The following LRRC72 variants were observed in gnomAD, a reference collection of about 807,000 sequenced individuals.
LRRC72 encodes the protein leucine rich repeat containing 72, also known as leucine-rich repeat-containing protein 72.
A neutral mutation model predicts 35.8 loss-of-function variants in LRRC72; 41 were observed. The observed-to-expected ratio is 1.15, with a 90% CI of 0.89 to 1.49. The LOEUF is 1.49. Among genes scored for constraint, LRRC72 ranks in the 40% most tolerant of loss-of-function variants. The probability of loss-of-function intolerance (pLI) is 0.00; values close to 1 mark genes in which losing one functional copy is unlikely to be tolerated. For synonymous variants in LRRC72, 118 were observed against 119.2 expected, an observed-to-expected ratio of 0.99 and a Z score of 0.07; for missense variants, 389 against 330.7, an observed-to-expected ratio of 1.18 and a Z score of -1.37.
intron 3 of LRRC72, among the ~76,000 whole-genome samples, chr7:16,543,945 A>G (rs749037326): frequency 7.2e-5 from 11 of 152,222 alleles, no homozygotes; most frequent in Non-Finnish European, 1.3e-4. Flanking sequence ...TTATTTGCCA[A>G]TTTGAGTTGG....
chr7:16,534,429 G>C (rs928091810), intron 2 of LRRC72, among the ~76,000 whole-genome samples: 4 of 151,792 alleles, frequency 2.6e-5, no homozygotes, highest in African/African-American at 9.7e-5. Flanking sequence ...ATGTGGGCTC[G>C]TAAAAGTTTT....
chr7:16,555,190 G>A (rs1280930161), intron 3 of LRRC72, among the ~76,000 whole-genome samples: 1 of 152,210 alleles, frequency 6.6e-6, no homozygotes, highest in African/African-American at 2.4e-5. Flanking sequence ...TCCAGGAGGA[G>A]TGCTGGCATA....
chr7:16,537,766 C>G, intron 3 of LRRC72, 70 bp downstream of exon 3: 1 of 901,518 alleles, frequency 1.1e-6, no homozygotes, highest in Non-Finnish European at 1.6e-6. Context: ...CCTAATAGAG[C>G]TAATCTTTAA....
At chr7:16,541,559 C>G (rs1478281285) in intron 3 of LRRC72, among the ~76,000 whole-genome samples, 1 of 152,190 alleles carries the variant, frequency 6.6e-6, no homozygotes, top group Non-Finnish European at 1.5e-5. Context: ...AGGCAGCTAA[C>G]AGCTGGAATG....
intron 5 of LRRC72, among the ~76,000 whole-genome samples, chr7:16,560,352 C>T (rs921602370): frequency 2.0e-5 from 3 of 152,128 alleles, no homozygotes; most frequent in African/African-American, 4.8e-5. Flanking sequence ...TCAGTTATAT[C>T]TACTGTACTG....
At chr7:16,552,362 G>T (rs1348915339) in intron 3 of LRRC72, among the ~76,000 whole-genome samples, 1 of 150,954 alleles carries the variant, frequency 6.6e-6, no homozygotes, top group Non-Finnish European at 1.5e-5. Flanking sequence ...TTTACCTCTG[G>T]AACACGCAGA....
Position 16,529,637 on chromosome 7 carries a change from C to A in LRRC72, c.90+2595C>A, listed in dbSNP as rs1006280609. ...ATTGGAACATTTTCATGTTTCTGGGCACTTTGATATTAATATTTTGTACTG... is the reference window on the plus strand; with the variant it reads ...ATTGGAACATTTTCATGTTTCTGGGAACTTTGATATTAATATTTTGTACTG... On this transcript the variant is annotated intron_variant, in intron 1 of 8. Coordinates refer to ENST00000401542, the MANE Select transcript of LRRC72 (RefSeq NM_001195280.2). 9.2e-5 allele frequency among the ~76,000 whole-genome samples: 14 copies of A among 151,700 alleles called. No individual in the cohort carries two copies. In the South Asian group the frequency reaches 2.9e-3, roughly 31 times the overall value.
chr7:16,570,005 G>A (rs967439885), intron 7 of LRRC72, among the ~76,000 whole-genome samples: 1 of 151,754 alleles, frequency 6.6e-6, no homozygotes, highest in Non-Finnish European at 1.5e-5. Context: ...ACTCCAGCCT[G>A]GGCAACAGAG....
chr7:16,537,544 C>T (rs747580516), intron 2 of LRRC72, 83 bp from the exon 3 acceptor site: 66 of 706,182 alleles, frequency 9.3e-5, no homozygotes, highest in Non-Finnish European at 1.2e-4. Flanking sequence ...CTAGTTACTA[C>T]GAAGCCATAC....
rs1782859121 is a variant in LRRC72 at position 16,567,129 on chromosome 7, C to T, written c.518-262C>T. On this transcript the variant is annotated intron_variant, in intron 6 of 8. Transcript: ENST00000401542. ...GGATGTTTCATGCTAAAATTTTAATCATCCTTGGTGATGTGTTAAAGGGTG... is the reference window on the plus strand; with the variant it reads ...GGATGTTTCATGCTAAAATTTTAATTATCCTTGGTGATGTGTTAAAGGGTG... Among the ~76,000 whole-genome samples the T allele has an allele frequency of 2.0e-5, 3 of 152,060 alleles. No individual in the cohort carries two copies. The South Asian group carries it at 6.2e-4, about 31-fold the overall frequency.
At chr7:16,548,791 C>G (rs1008679296) in intron 3 of LRRC72, among the ~76,000 whole-genome samples, 3 of 152,230 alleles carry the variant, frequency 2.0e-5, no homozygotes, top group Non-Finnish European at 2.9e-5. Context: ...GGCAAAGGTG[C>G]CACTGGCCAC....
At position 16,567,138 on chromosome 7, in the gene LRRC72, TG is replaced by T. The variant is rs1782859416; in HGVS notation, c.518-252del. Among the ~76,000 whole-genome samples the T allele has an allele frequency of 2.0e-5, 3 of 152,186 alleles. No homozygotes were observed. The South Asian group carries it at 6.2e-4, about 32-fold the overall frequency. On this transcript the variant is annotated intron_variant, in intron 6 of 8. Coordinates refer to ENST00000401542, the MANE Select transcript of LRRC72 (RefSeq NM_001195280.2). ...ATGCTAAAATTTTAATCATCCTTGG[TG>T]ATGTGTTAAAGGGTGTTTGGGATGC...
Position 16,581,548 on chromosome 7 carries a change from C to G in LRRC72, c.*59C>G. The G allele has an allele frequency of 7.8e-7, 1 of 1,277,086 alleles. No homozygotes were observed. Among genetic ancestry groups the G allele is most frequent in the Non-Finnish European group, 1.0e-6 (1 of 967,652 alleles). 79.1% of individuals were successfully genotyped at this position (1,277,086 alleles called of 1,614,324 possible). ...AGTTGTATATTAAACTTCCCTGTGACTTAGCATATTACATACTTACAATGA... is the reference window on the plus strand; with the variant it reads ...AGTTGTATATTAAACTTCCCTGTGAGTTAGCATATTACATACTTACAATGA... On this transcript the variant is annotated 3_prime_UTR_variant, in exon 9 of 9. Transcript: ENST00000401542.
At chr7:16,543,715 T>C (rs77712736) in intron 3 of LRRC72, among the ~76,000 whole-genome samples, 7,998 of 152,284 alleles carry the variant, frequency 0.053, 277 homozygotes, top group East Asian at 0.1. Flanking sequence ...GGGAGGTTCC[T>C]GGGAGAGGCT....
In LRRC72 at chr7:16,552,591, A is replaced by G. The variant is rs577281077; in HGVS notation, c.235-4769A>G. Among the ~76,000 whole-genome samples, 8 of 152,344 alleles carry G rather than the reference A, an allele frequency of 5.3e-5. No homozygotes were observed. The South Asian group carries it at 1.7e-3, about 32-fold the overall frequency. On this transcript the variant is annotated intron_variant, in intron 3 of 8. Coordinates refer to ENST00000401542, the MANE Select transcript of LRRC72 (RefSeq NM_001195280.2). Reference sequence around the variant, plus strand: ...GATTGATTGGTAACCATATGAATCTATCTAGCTTCTGCTGAAAAGTTCTTT... The same window carrying G: ...GATTGATTGGTAACCATATGAATCTGTCTAGCTTCTGCTGAAAAGTTCTTT...
At chr7:16,532,293 A>G (rs1782180459) in intron 1 of LRRC72, among the ~76,000 whole-genome samples, 1 of 152,204 alleles carries the variant, frequency 6.6e-6, no homozygotes, top group Non-Finnish European at 1.5e-5. Flanking sequence ...ATCTGTGCCC[A>G]GGATTAAGGA....
intron 5 of LRRC72, among the ~76,000 whole-genome samples, chr7:16,560,701 A>T (rs1286297962): frequency 6.6e-6 from 1 of 151,708 alleles, no homozygotes; most frequent in Non-Finnish European, 1.5e-5. Flanking sequence ...TTTTTTTAAG[A>T]AAACGTTTCT....
Position 16,558,904 on chromosome 7 carries a change from CT to C in LRRC72, c.334del (p.Ser112HisfsTer12). ...IFEIEGLHYL[P>X]SLHILLLHHN... ...TTTTTTTTAGGTCTGCATTATTTGC[CT>C]TCATTGCATATACTCCTGCTACACC... On this transcript the variant is annotated frameshift_variant, in exon 5 of 9. Coordinates refer to ENST00000401542, the MANE Select transcript of LRRC72 (RefSeq NM_001195280.2). LOFTEE classifies it high-confidence loss of function. The C allele has an allele frequency of 6.8e-7, 1 of 1,466,878 alleles. No individual in the cohort carries two copies. Among genetic ancestry groups the C allele is most frequent in the Non-Finnish European group, 9.1e-7 (1 of 1,100,598 alleles). The allele number at this position is 1,466,878 out of a possible 1,614,324, so 90.9% of individuals were successfully genotyped here.
intron 2 of LRRC72, among the ~76,000 whole-genome samples, chr7:16,533,030 G>T (rs1782195389): frequency 6.6e-6 from 1 of 152,076 alleles, no homozygotes; most frequent in Non-Finnish European, 1.5e-5. Context: ...TATTCCCTGG[G>T]CATAATTATA....
Sources: gnomAD v4.1 joint callset for allele counts (sites outside exome capture counted in the v4.1 genomes callset) on GRCh38, gnomAD v4.1.1 for gene constraint, MANE v1.5 for transcripts, NCBI Gene and HGNC (gene_info 2026-07-23, HGNC 2026-07-21) for gene names.